RXFP1: variants seen among roughly 807,000 people sequenced by gnomAD.
RXFP1 encodes the protein relaxin family peptide receptor 1.
Under a neutral mutation model 89.8 loss-of-function variants are expected in RXFP1, and 73 were observed. The ratio of observed to expected loss-of-function variants is 0.81; its 90% CI spans 0.67 to 0.99. The LOEUF is 0.99. Among genes scored for constraint, RXFP1 ranks in the 50% least tolerant of loss-of-function variants. The pLI is 0.00. For missense variants in RXFP1, 793 were observed against 895.5 expected (o/e 0.89, Z 1.46); for synonymous variants, 277 against 305.5 (o/e 0.91, Z 0.97).
chr4:158,649,769 C>T (rs933352907), intron 17 of RXFP1, among the ~76,000 whole-genome samples: 8 of 152,116 alleles, frequency 5.3e-5, no homozygotes, highest in Non-Finnish European at 7.4e-5. Context: ...TAAAATGGTA[C>T]AGCTGCTATG....
intron 1 of RXFP1, among the ~76,000 whole-genome samples, chr4:158,542,100 T>TA (rs1553993925): frequency 2.2e-5 from 1 of 45,652 alleles, no homozygotes; most frequent in Non-Finnish European, 4.8e-5. Context: ...TATATATATA[T>TA]ATATATATAT....
intron 1 of RXFP1, among the ~76,000 whole-genome samples, chr4:158,529,593 T>C (rs951097577): frequency 8.5e-5 from 13 of 152,092 alleles, no homozygotes; most frequent in African/African-American, 2.9e-4. Flanking sequence ...CATGCTTGGG[T>C]TTGTCCTCCT....
intron 9 of RXFP1, among the ~76,000 whole-genome samples, chr4:158,619,979 A>G (rs1380442574): frequency 6.6e-6 from 1 of 152,240 alleles, no homozygotes; most frequent in Non-Finnish European, 1.5e-5. Flanking sequence ...AGCATAAGGA[A>G]AAAGAAGTTC....
intron 4 of RXFP1, among the ~76,000 whole-genome samples, chr4:158,603,200 C>G (rs993635243): frequency 6.6e-6 from 1 of 152,132 alleles, no homozygotes; most frequent in Admixed American, 6.5e-5. Flanking sequence ...ACCTTGGTCT[C>G]CCAAAGTACT....
chr4:158,553,770 A>G (rs1479877276), intron 1 of RXFP1, among the ~76,000 whole-genome samples: 2 of 152,182 alleles, frequency 1.3e-5, no homozygotes, highest in African/African-American at 4.8e-5. Context: ...GAAGTGGAAC[A>G]GGAGAAAAAA....
chr4:158,552,780 G>T (rs980922267), intron 1 of RXFP1, among the ~76,000 whole-genome samples: 2 of 152,174 alleles, frequency 1.3e-5, no homozygotes, highest in African/African-American at 4.8e-5. Flanking sequence ...CCCTCAAAGG[G>T]CCCTACAGGT....
intron 1 of RXFP1, among the ~76,000 whole-genome samples, chr4:158,561,123 T>C (rs1752344912): frequency 6.6e-6 from 1 of 152,244 alleles, no homozygotes; most frequent in African/African-American, 2.4e-5. Context: ...ACCAATCTCC[T>C]TCACTTTTTA....
chr4:158,613,113 A>T (rs1763884578), intron 8 of RXFP1, among the ~76,000 whole-genome samples: 1 of 152,212 alleles, frequency 6.6e-6, no homozygotes, highest in South Asian at 2.1e-4. Context: ...TTATGTTTAA[A>T]AATGTGCATA....
chr4:158,576,246 A>G (rs1756173932), intron 2 of RXFP1, among the ~76,000 whole-genome samples: 1 of 152,124 alleles, frequency 6.6e-6, no homozygotes, highest in Non-Finnish European at 1.5e-5. Context: ...ATTCATCAAC[A>G]TTACCCAAGA....
At chr4:158,572,913 A>G in intron 2 of RXFP1, 78 bp downstream of exon 2, 1 of 1,549,024 alleles carries the variant, frequency 6.5e-7, no homozygotes, top group South Asian at 1.2e-5. Flanking sequence ...ACTTCTCTCA[A>G]CAAAAAGACA....
intron 11 of RXFP1, among the ~76,000 whole-genome samples, chr4:158,632,103 T>C (rs528050028): frequency 1.7e-4 from 26 of 152,260 alleles, no homozygotes; most frequent in African/African-American, 4.6e-4. Flanking sequence ...CAGTAAGCTA[T>C]TGAAGGAGAT....
At chr4:158,523,906 T>C (rs1175391782) in intron 1 of RXFP1, among the ~76,000 whole-genome samples, 2 of 152,152 alleles carry the variant, frequency 1.3e-5, no homozygotes, top group Non-Finnish European at 1.5e-5. Flanking sequence ...GTTTTCTTTG[T>C]TTTGTTTTGT....
intron 4 of RXFP1, among the ~76,000 whole-genome samples, chr4:158,603,162 TG>T (rs1762001781): frequency 6.6e-6 from 1 of 152,142 alleles, no homozygotes. Context: ...AAGCTGGTCT[TG>T]AACTCCTGGG....
intron 12 of RXFP1, among the ~76,000 whole-genome samples, chr4:158,636,137 T>A (rs989647009): frequency 2.0e-5 from 3 of 152,140 alleles, no homozygotes; most frequent in Non-Finnish European, 4.4e-5. Context: ...GTGCTTGTAG[T>A]CCCAGTGAGT....
intron 9 of RXFP1, 114 bp from the exon 10 acceptor site, chr4:158,626,706 T>A: frequency 1.7e-6 from 1 of 578,122 alleles, no homozygotes; most frequent in Non-Finnish European, 2.9e-6. Flanking sequence ...AGAGTCTATA[T>A]GAAATAAACA....
At chr4:158,571,543 T>G (rs1755063811) in intron 1 of RXFP1, among the ~76,000 whole-genome samples, 1 of 152,136 alleles carries the variant, frequency 6.6e-6, no homozygotes, top group Non-Finnish European at 1.5e-5. Context: ...ATGCCTGTAA[T>G]CTCAGCTACT....
intron 9 of RXFP1, among the ~76,000 whole-genome samples, chr4:158,624,849 G>C (rs968226884): frequency 6.6e-6 from 1 of 151,976 alleles, no homozygotes; most frequent in Non-Finnish European, 1.5e-5. Flanking sequence ...AACACAGGAG[G>C]GGGGAAAAAC....
In RXFP1 at chr4:158,639,248, T is replaced by G; in HGVS notation, c.1044-12T>G. On this transcript the variant is annotated splice_polypyrimidine_tract_variant and intron_variant, in intron 13 of 17. Transcript: ENST00000307765. ...ATGTTCCTTTGATTGATTATTAATT[T>G]GATATTTTTAGCAGCCTAGAAGGGA... is the stretch of plus-strand genomic sequence containing the variant. The G allele has an allele frequency of 6.9e-7, 1 of 1,441,906 alleles. No individual in the cohort carries two copies. The highest frequency in any genetic ancestry group is 9.8e-7 in the Non-Finnish European group (1 of 1,025,634). The allele number at this position is 1,441,906 out of a possible 1,614,324, so 89.3% of individuals were successfully genotyped here.
intron 2 of RXFP1, among the ~76,000 whole-genome samples, chr4:158,579,681 A>G (rs902324756): frequency 1.3e-5 from 2 of 152,226 alleles, no homozygotes; most frequent in Admixed American, 6.5e-5. Flanking sequence ...CTAAAGAGAC[A>G]TTATTAAGGT....
Sources: allele counts gnomAD v4.1 joint callset (sites outside exome capture counted in the v4.1 genomes callset), GRCh38; gene constraint gnomAD v4.1.1; transcripts MANE v1.5; gene names NCBI Gene and HGNC (gene_info 2026-07-23, HGNC 2026-07-21).